GRAMD2B: variants seen among roughly 807,000 people sequenced by gnomAD.
GRAMD2B encodes the protein GRAM domain containing 2B.
A neutral mutation model predicts 59.2 loss-of-function variants in GRAMD2B; 41 were observed. That is an observed-to-expected ratio of 0.69 (90% CI 0.54 to 0.90). GRAMD2B has a LOEUF of 0.90. GRAMD2B is among the 40% of genes least tolerant of loss of function. GRAMD2B has a pLI of 0.00. For missense variants in GRAMD2B, 424 were observed against 500.5 expected, an observed-to-expected ratio of 0.85 and a Z score of 1.46; for synonymous variants, 161 against 182.7, an observed-to-expected ratio of 0.88 and a Z score of 0.96.
At chr5:126,489,816 A>G (rs888564406) in intron 13 of GRAMD2B, among the ~76,000 whole-genome samples, 1 of 152,164 alleles carries the variant, frequency 6.6e-6, no homozygotes, top group Admixed American at 6.5e-5. Context: ...TCAGTGTTCA[A>G]TTACAACTGC....
At chr5:126,436,238 T>A (rs999295136) in intron 1 of GRAMD2B, among the ~76,000 whole-genome samples, 82 of 152,370 alleles carry the variant, frequency 5.4e-4, no homozygotes, top group African/African-American at 1.9e-3. Flanking sequence ...TTATATTCAT[T>A]TAAGTACTTA....
At chr5:126,479,008 T>G (rs1433597636) in intron 6 of GRAMD2B, among the ~76,000 whole-genome samples, 2 of 152,196 alleles carry the variant, frequency 1.3e-5, no homozygotes, top group Non-Finnish European at 2.9e-5. Flanking sequence ...AGAGCTGAAT[T>G]GACTATTGGG....
chr5:126,376,211 T>C (rs747149854), intron 1 of GRAMD2B, among the ~76,000 whole-genome samples: 1 of 152,188 alleles, frequency 6.6e-6, no homozygotes, highest in Non-Finnish European at 1.5e-5. Flanking sequence ...TAGGACACCA[T>C]GGCCTTTGGG....
chr5:126,441,695 G>GT (rs975410289), intron 1 of GRAMD2B, among the ~76,000 whole-genome samples: 14 of 151,518 alleles, frequency 9.2e-5, no homozygotes, highest in East Asian at 1.9e-4. Context: ...CCTGGTATAA[G>GT]TTTTTTTTTG....
At chr5:126,459,992 CA>C (rs1381970672) in intron 1 of GRAMD2B, among the ~76,000 whole-genome samples, 1 of 152,034 alleles carries the variant, frequency 6.6e-6, no homozygotes, top group Non-Finnish European at 1.5e-5. Flanking sequence ...TTAGTATTTG[CA>C]AAAGACTGAA....
intron 1 of GRAMD2B, among the ~76,000 whole-genome samples, chr5:126,415,971 T>C (rs556166893): frequency 6.6e-6 from 1 of 152,346 alleles, no homozygotes; most frequent in South Asian, 2.1e-4. Context: ...ATGAATTGCA[T>C]TGTCAAAACA....
chr5:126,456,989 A>G (rs6859117), intron 1 of GRAMD2B, among the ~76,000 whole-genome samples: 130,843 of 151,064 alleles, frequency 0.87, 57,833 homozygotes, highest in East Asian at 0.99. Flanking sequence ...TCAGGAGATC[A>G]AGACCATCCT....
At chr5:126,381,368 G>A (rs1458679494) in intron 1 of GRAMD2B, among the ~76,000 whole-genome samples, 1 of 151,820 alleles carries the variant, frequency 6.6e-6, no homozygotes, top group African/African-American at 2.4e-5. Context: ...TTTCTTTTTT[G>A]TTATGTCCTT....
chr5:126,449,865 G>A (rs760026609), intron 1 of GRAMD2B, among the ~76,000 whole-genome samples: 10 of 152,140 alleles, frequency 6.6e-5, no homozygotes, highest in Non-Finnish European at 1.2e-4. Context: ...ACCCTACTCT[G>A]TCCTCATATG....
chr5:126,362,354 AATAGT>A (rs1754258724), intron 1 of GRAMD2B, among the ~76,000 whole-genome samples: 1 of 152,214 alleles, frequency 6.6e-6, no homozygotes, highest in African/African-American at 2.4e-5. Flanking sequence ...ACTATTATAT[AATAGT>A]ATATGAGCCT....
chr5:126,467,511 T>C (rs1653082989), intron 2 of GRAMD2B: 1 of 151,998 alleles, frequency 6.6e-6, no homozygotes. Flanking sequence ...TTATCAAGGG[T>C]AGAGCCACCC....
chr5:126,483,848 A>G (rs1462473325), intron 9 of GRAMD2B, among the ~76,000 whole-genome samples: 1 of 152,036 alleles, frequency 6.6e-6, no homozygotes, highest in East Asian at 1.9e-4. Context: ...AAAAACATAC[A>G]ATTTTGTTTT....
intron 1 of GRAMD2B, among the ~76,000 whole-genome samples, chr5:126,362,157 T>A (rs1349826019): frequency 1.3e-5 from 2 of 152,226 alleles, no homozygotes; most frequent in Non-Finnish European, 2.9e-5. Context: ...GTTTATGACC[T>A]GACTCACGTG....
intron 1 of GRAMD2B, among the ~76,000 whole-genome samples, chr5:126,385,074 G>T (rs1475418888): frequency 6.6e-6 from 1 of 152,198 alleles, no homozygotes; most frequent in East Asian, 1.9e-4. Flanking sequence ...TTCCCTGTTT[G>T]ACAAGCAAGG....
At chr5:126,485,822 CTAAAG>C in intron 11 of GRAMD2B, 49 bp downstream of exon 11, 1 of 1,151,552 alleles carries the variant, frequency 8.7e-7, no homozygotes, top group Non-Finnish European at 1.3e-6. Context: ...ATTCCATTCG[CTAAAG>C]GAATAATCTC....
intron 8 of GRAMD2B, among the ~76,000 whole-genome samples, chr5:126,481,199 AAAAAAAAGAAAGAAAG>A (rs1236442064): frequency 5.4e-5 from 5 of 92,402 alleles, no homozygotes; most frequent in African/African-American, 8.8e-5. Context: ...TGTAAAAAAA[AAAAAAAAGAAAGAAAG>A]AAAGAAAGAA....
rs1262247872 is a variant in GRAMD2B at position 126,480,302 on chromosome 5, G to T, written c.583-154G>T. The T allele has an allele frequency of 1.4e-5, 8 of 574,752 alleles. No homozygotes were observed. The East Asian group carries it at 2.3e-4, about 17-fold the overall frequency. 35.6% of individuals were successfully genotyped at this position (574,752 alleles called of 1,614,324 possible). On this transcript the variant is annotated intron_variant, in intron 6 of 13. Coordinates refer to ENST00000285689, the MANE Select transcript of GRAMD2B (RefSeq NM_023927.4). ...TTTATTACAGGAATGGAATAAAAAT[G>T]GAATGTTTGAGTGAGAGGAATGAGA...
At chr5:126,421,261 C>T (rs928224284), upstream of GRAMD2B, among the ~76,000 whole-genome samples, 5 of 152,174 alleles carry the variant, frequency 3.3e-5, no homozygotes, top group South Asian at 2.1e-4. Flanking sequence ...TATATTTTAC[C>T]ACAATAAATA....
chr5:126,453,687 T>G (rs553718837), intron 1 of GRAMD2B, among the ~76,000 whole-genome samples: 11 of 152,342 alleles, frequency 7.2e-5, no homozygotes, highest in Admixed American at 2.6e-4. Flanking sequence ...CTTTTCAAGT[T>G]TCCATATGGT....
Sources: gnomAD v4.1 joint callset for allele counts (sites outside exome capture counted in the v4.1 genomes callset) on GRCh38, gnomAD v4.1.1 for gene constraint, MANE v1.5 for transcripts, NCBI Gene and HGNC (gene_info 2026-07-23, HGNC 2026-07-21) for gene names.